MTR: variants seen among roughly 807,000 people sequenced by gnomAD.
MTR encodes the protein 5-methyltetrahydrofolate-homocysteine methyltransferase, also known as methionine synthase.
In MTR, 84 loss-of-function variants were observed where a neutral mutation model predicts 154.8. That is an observed-to-expected ratio of 0.54 (90% CI 0.45 to 0.65). MTR has a LOEUF of 0.65. Ranked by LOEUF, MTR falls within the 30% of genes least tolerant of loss-of-function variation. The probability of loss-of-function intolerance (pLI) is 0.00; values close to 1 mark genes in which losing one functional copy is unlikely to be tolerated. For missense variants in MTR, 1,275 were observed against 1,570.2 expected (o/e 0.81, Z 3.18); for synonymous variants, 554 against 553.9 (o/e 1.00, Z 0.00).
chr1:236,799,519 T>C (rs187451041), intron 1 of MTR, among the ~76,000 whole-genome samples: 16 of 152,320 alleles, frequency 1.1e-4, no homozygotes, highest in East Asian at 5.8e-4. Context: ...TTATCTGTAT[T>C]TTCTATTCAC....
chr1:236,852,977 T>G lies in MTR; in HGVS notation c.1842T>G (p.Ala614=). Reference sequence around the variant, plus strand: ...GCATGGACATGGGGATAGTGAATGCTGGAAACCTCCCTGTGTATGATGATA... The same window carrying G: ...GCATGGACATGGGGATAGTGAATGCGGGAAACCTCCCTGTGTATGATGATA... ...KSGMDMGIVN[A]GNLPVYDDIH... The change falls in exon 18 of 33, where the codon GCT becomes GCG. Residue 614 remains alanine, a synonymous_variant. Coordinates refer to ENST00000366577, the MANE Select transcript of MTR (RefSeq NM_000254.3). 1 of 1,614,086 alleles carries G rather than the reference T, an allele frequency of 6.2e-7. No homozygotes were observed. Among genetic ancestry groups the G allele is most frequent in the Non-Finnish European group, 8.5e-7 (1 of 1,179,944 alleles).
At position 236,900,604 on chromosome 1, in the gene MTR, A is replaced by G. The variant is rs1179969680; in HGVS notation, c.*2960A>G. 1 of 152,212 alleles carries G rather than the reference A, an allele frequency of 6.6e-6. No homozygotes were observed. The highest frequency in any genetic ancestry group is 1.5e-5 in the Non-Finnish European group (1 of 68,038). The allele number at this position is 152,212 out of a possible 1,614,324, so 9.4% of individuals were successfully genotyped here. On this transcript the variant is annotated 3_prime_UTR_variant, in exon 33 of 33. Transcript: ENST00000366577. ...TATAACTAATAGATAACAGTTTTTT[A>G]CATATTAAATATGTTCTACTTAAAT...
chr1:236,874,199 T>C (rs1242131026), intron 23 of MTR, among the ~76,000 whole-genome samples: 1 of 152,206 alleles, frequency 6.6e-6, no homozygotes, highest in African/African-American at 2.4e-5. Context: ...AAGTAATTAT[T>C]GCAACTTTAA....
In MTR at chr1:236,890,365, A is replaced by G. The variant is rs115928442; in HGVS notation, c.3008-768A>G. On this transcript the variant is annotated intron_variant, in intron 28 of 32. Transcript: ENST00000366577. ...GTCCTCGGAGGCTGGCTCCCACTGC[A>G]GGTCCGGGAGCAGGCCAGCCCAGGT... Among the ~76,000 whole-genome samples, 609 of 152,272 alleles carry G rather than the reference A, an allele frequency of 4.0e-3. 4 individuals carry two copies. Among genetic ancestry groups the G allele is most frequent in the African/African-American group, 0.014 (590 of 41,554 alleles).
Position 236,866,351 on chromosome 1 carries a change from C to T in MTR, c.2405+2797C>T, listed in dbSNP as rs553915911. On this transcript the variant is annotated intron_variant, in intron 22 of 32. Transcript: ENST00000366577. ...AATTGTTTTGGGGTACCATGAACCA[C>T]ACCCATAGAAGATGGCAAACTTAAT... Among the ~76,000 whole-genome samples the T allele has an allele frequency of 2.8e-4, 43 of 152,240 alleles. 1 individual carries two copies. In the South Asian group the frequency reaches 8.7e-3, roughly 31 times the overall value.
At chr1:236,865,667 T>C (rs373549937) in intron 22 of MTR, among the ~76,000 whole-genome samples, 6 of 152,320 alleles carry the variant, frequency 3.9e-5, no homozygotes, top group African/African-American at 1.4e-4. Flanking sequence ...TATGATGCAA[T>C]AGAATTGCAA....
chr1:236,812,127 C>T (rs1382182186), intron 5 of MTR, among the ~76,000 whole-genome samples: 1 of 152,256 alleles, frequency 6.6e-6, no homozygotes, highest in Admixed American at 6.5e-5. Context: ...AAGTGATCTG[C>T]TCACCCCAGG....
chr1:236,863,496 G>A lies in MTR; in HGVS notation c.2347G>A (p.Asp783Asn), dbSNP rs1376758701. 3.7e-6 allele frequency: 6 copies of A among 1,614,038 alleles called. No homozygotes were observed. Among genetic ancestry groups the A allele is most frequent in the Non-Finnish European group, 5.1e-6 (6 of 1,179,960 alleles). The change falls in exon 22 of 33, where the codon GAC becomes AAC. Residue 783 changes from aspartate to asparagine, a missense_variant. Coordinates refer to ENST00000366577, the MANE Select transcript of MTR (RefSeq NM_000254.3). ...CATCGTGCTGGCCACTGTTAAAGGCGACGTGCACGACATAGGCAAGAACAT... is the reference window on the plus strand; with the variant it reads ...CATCGTGCTGGCCACTGTTAAAGGCAACGTGCACGACATAGGCAAGAACAT... The part of the protein sequence containing the change: ...GTIVLATVKG[D>N]VHDIGKNIVG...
chr1:236,872,858 G>A (rs997442599), intron 22 of MTR, among the ~76,000 whole-genome samples: 3 of 152,166 alleles, frequency 2.0e-5, no homozygotes, highest in African/African-American at 4.8e-5. Context: ...GTAAAAATTA[G>A]CTGGGTTTAG....
chr1:236,880,350 G>A (rs547369140), intron 24 of MTR, among the ~76,000 whole-genome samples: 5 of 152,184 alleles, frequency 3.3e-5, no homozygotes, highest in East Asian at 3.9e-4. Context: ...CCTGGTTCCC[G>A]GTTCCTTAGG....
At chr1:236,800,511 T>G in intron 1 of MTR, 1 of 974,246 alleles carries the variant, frequency 1.0e-6, no homozygotes, top group Non-Finnish European at 1.2e-6. Flanking sequence ...TTCTCATTCC[T>G]CCTGTGAAAT....
chr1:236,886,837 G>A (rs1666036601), intron 27 of MTR, among the ~76,000 whole-genome samples: 1 of 152,130 alleles, frequency 6.6e-6, no homozygotes, highest in Admixed American at 6.5e-5. Flanking sequence ...CAGGCCCAGG[G>A]GCAGATGTGA....
chr1:236,868,275 A>AT (rs796862445), intron 22 of MTR, among the ~76,000 whole-genome samples: 160 of 150,350 alleles, frequency 1.1e-3, no homozygotes, highest in African/African-American at 3.1e-3. Context: ...GATCATTAGC[A>AT]TTTTTTTTTT....
rs1661865533 is a variant in MTR at position 236,820,467 on chromosome 1, G to C, written c.765-3652G>C. The C allele has an allele frequency of 1.4e-5, 19 of 1,403,416 alleles. 1 individual carries two copies. In the South Asian group the frequency reaches 2.1e-4, roughly 15 times the overall value. 86.9% of individuals were successfully genotyped at this position (1,403,416 alleles called of 1,614,324 possible). A position where few individuals can be genotyped will look rare whatever the true frequency, so the allele number is the denominator to read the frequency against. Reference sequence around the variant, plus strand: ...GCCTGCCACGGAAGACTGGTCTGCAGCTCCCACTGCTCAGGCCACTGAATA... The same window carrying C: ...GCCTGCCACGGAAGACTGGTCTGCACCTCCCACTGCTCAGGCCACTGAATA... On this transcript the variant is annotated intron_variant, in intron 8 of 32. Coordinates refer to ENST00000366577, the MANE Select transcript of MTR (RefSeq NM_000254.3).
intron 1 of MTR, chr1:236,799,954 G>T (rs996818351): frequency 1.6e-6 from 1 of 619,682 alleles, no homozygotes; most frequent in Non-Finnish European, 2.0e-6. Context: ...TTGCCTATAC[G>T]GTGGCTCAAC....
In MTR at chr1:236,903,341, TGACTAGTC is replaced by T. The variant is rs1218493294; in HGVS notation, c.*5698_*5705del. 2 of 152,138 alleles carry T rather than the reference TGACTAGTC, an allele frequency of 1.3e-5. No individual in the cohort carries two copies. The highest frequency in any genetic ancestry group is 1.3e-4 in the Admixed American group (2 of 15,220). The allele number at this position is 152,138 out of a possible 1,614,324, so 9.4% of individuals were successfully genotyped here. On this transcript the variant is annotated 3_prime_UTR_variant, in exon 33 of 33. Coordinates refer to ENST00000366577, the MANE Select transcript of MTR (RefSeq NM_000254.3). The stretch of plus-strand genomic sequence containing the variant: ...GTCTAGCCTGAAATGGGTGCTATTT[TGACTAGTC>T]TGAGTGAAAAGTGAGGATTTAAATG...
In MTR at chr1:236,898,026, C is replaced by T. The variant is rs374874320; in HGVS notation, c.*382C>T. ...TCTTTTTTTCCTCTTAGAAGAAAAG[C>T]CTGAAACTGAGTTGAATAGAGAAGT... is the stretch of plus-strand genomic sequence containing the variant. On this transcript the variant is annotated 3_prime_UTR_variant, in exon 33 of 33. Coordinates refer to ENST00000366577, the MANE Select transcript of MTR (RefSeq NM_000254.3). 1 of 251,242 alleles carries T rather than the reference C, an allele frequency of 4.0e-6. No homozygotes were observed. 15.6% of individuals were successfully genotyped at this position (251,242 alleles called of 1,614,324 possible). A position where few individuals can be genotyped will look rare whatever the true frequency, so the allele number is the denominator to read the frequency against.
intron 8 of MTR, chr1:236,820,567 G>T: frequency 1.9e-6 from 1 of 531,626 alleles, no homozygotes; most frequent in Non-Finnish European, 3.3e-6. Context: ...AAGGCTGATG[G>T]AAAATAAGCG....
Position 236,850,393 on chromosome 1 carries a change from T to G in MTR, c.1565T>G (p.Leu522Arg). ...AGAGTGTGCACCCGGGCCTACCATC[T>G]GCTTGTGAAAAAACTGGGCTTTAAT... ...KIRVCTRAYH[L>R]LVKKLGFNPN... Residue 522 changes from leucine (L) to arginine (R), a missense_variant, in exon 16 of 33, where the codon CTG (leucine) becomes CGG (arginine). Transcript: ENST00000366577. 1 of 1,613,892 alleles carries G rather than the reference T, an allele frequency of 6.2e-7. No homozygotes were observed.
Sources: gnomAD v4.1 joint callset for allele counts (sites outside exome capture counted in the v4.1 genomes callset) on GRCh38, gnomAD v4.1.1 for gene constraint, MANE v1.5 for transcripts, NCBI Gene and HGNC (gene_info 2026-07-23, HGNC 2026-07-21) for gene names.